The following FAM78A variants were observed in gnomAD, a reference collection of about 807,000 sequenced individuals.
FAM78A encodes family with sequence similarity 78 member A.
In FAM78A, 12 loss-of-function variants were observed where a neutral mutation model predicts 22.6. The observed-to-expected ratio is 0.53, with a 90% CI of 0.34 to 0.86. The LOEUF (loss-of-function observed/expected upper bound fraction) is 0.86, where lower values mean the gene tolerates loss of function less well. Among genes scored for constraint, FAM78A ranks in the 40% least tolerant of loss-of-function variants. FAM78A has a pLI of 0.02. For missense variants in FAM78A, 322 were observed against 396.1 expected (o/e 0.81, Z 1.59); for synonymous variants, 151 against 155.8 (o/e 0.97, Z 0.23).
chr9:131,260,256 G>C lies in FAM78A; in HGVS notation c.*566C>G, dbSNP rs11244346. On this transcript the variant is annotated 3_prime_UTR_variant, in exon 2 of 2. Transcript: ENST00000372271. The surrounding 1 kb of genome is among the most constrained non-coding windows in gnomAD (Gnocchi z 5.4). ...CTGGCAGAAGAGGAAAAGTCCGGTAGAAAAGAGATCCTGCTTTCTTTCTCC... is the reference window on the plus strand; with the variant it reads ...CTGGCAGAAGAGGAAAAGTCCGGTACAAAAGAGATCCTGCTTTCTTTCTCC... The C allele has an allele frequency of 6.5e-6, 1 of 152,738 alleles. No homozygotes were observed. The highest frequency in any genetic ancestry group is 1.5e-5 in the Non-Finnish European group (1 of 68,114). The allele number at this position is 152,738 out of a possible 1,614,324, so 9.5% of individuals were successfully genotyped here. A position where few individuals can be genotyped will look rare whatever the true frequency, so the allele number is the denominator to read the frequency against.
In FAM78A at chr9:131,272,644, G is replaced by C. The variant is rs1357241597; in HGVS notation, c.323+3213C>G. On this transcript the variant is annotated intron_variant, in intron 1 of 1. Transcript: ENST00000372271. The surrounding 1 kb of genome is among the most constrained non-coding windows in gnomAD (Gnocchi z 4.1). ...CTGGGGCAGGGGAGACAGGAAGGGG[G>C]TTTTAAATCCCACCCAAGGCTCACA... 6.6e-6 allele frequency among the ~76,000 whole-genome samples: 1 copy of C among 152,230 alleles called. No homozygotes were observed. Among genetic ancestry groups the C allele is most frequent in the East Asian group, 1.9e-4 (1 of 5,192 alleles).
At chr9:131,270,535 T>G (rs1835404756) in intron 1 of FAM78A, 1 of 715,036 alleles carries the variant, frequency 1.4e-6, no homozygotes, top group African/African-American at 1.7e-5. Flanking sequence ...GGGCTGGTCC[T>G]GGGGGAGCTC....
intron 1 of FAM78A, chr9:131,262,664 G>A (rs1193334237): frequency 1.3e-5 from 2 of 152,054 alleles, no homozygotes; most frequent in Non-Finnish European, 1.5e-5. Context: ...CAGATAAATG[G>A]ATAAACAAAA....
At chr9:131,271,095 CT>C (rs1044432873) in intron 1 of FAM78A, among the ~76,000 whole-genome samples, 1 of 150,814 alleles carries the variant, frequency 6.6e-6, no homozygotes, top group Non-Finnish European at 1.5e-5. Context: ...CAGCCTTGAC[CT>C]CCCCAGACTC....
intron 1 of FAM78A, among the ~76,000 whole-genome samples, chr9:131,269,316 G>A (rs1835387670): frequency 6.6e-6 from 1 of 152,130 alleles, no homozygotes; most frequent in African/African-American, 2.4e-5. Flanking sequence ...AAACAAAAAT[G>A]TAACAACAAT....
intron 1 of FAM78A, chr9:131,264,475 G>T: frequency 1.5e-6 from 1 of 664,704 alleles, no homozygotes. Context: ...CTCGCACTGT[G>T]GTCCAGTCAC....
At position 131,274,858 on chromosome 9, in the gene FAM78A, C is replaced by A. The variant is rs1245689587; in HGVS notation, c.323+999G>T. ...CAGTCACGGGGCCACAGGGTAGACA[C>A]TGAGAGAGGTTCTGGGAGTGTCAGC... On this transcript the variant is annotated intron_variant, in intron 1 of 1. Coordinates refer to ENST00000372271, the MANE Select transcript of FAM78A (RefSeq NM_033387.4). The surrounding 1 kb of genome is among the most constrained non-coding windows in gnomAD (Gnocchi z 4.2). Among the ~76,000 whole-genome samples the A allele has an allele frequency of 6.6e-6, 1 of 151,672 alleles. No individual in the cohort carries two copies. The highest frequency in any genetic ancestry group is 1.5e-5 in the Non-Finnish European group (1 of 67,696).
At chr9:131,280,492 G>A (rs1056667258), upstream of FAM78A, among the ~76,000 whole-genome samples, 2 of 152,160 alleles carry the variant, frequency 1.3e-5, no homozygotes. Context: ...ATTGCTCTCA[G>A]GACCCTTTCC....
Position 131,260,800 on chromosome 9 carries a change from AC to A in FAM78A, c.*21del, listed in dbSNP as rs1835252830. 3 of 1,512,594 alleles carry A rather than the reference AC, an allele frequency of 2.0e-6. No individual in the cohort carries two copies. Among genetic ancestry groups the A allele is most frequent in the Non-Finnish European group, 2.6e-6 (3 of 1,132,418 alleles). 93.7% of individuals were successfully genotyped at this position (1,512,594 alleles called of 1,614,324 possible). ...AGCGGTATTATTATTTGTGAGTCTA[AC>A]CTAGCGGGTGGTCCTGGCTGTCACC... On this transcript the variant is annotated 3_prime_UTR_variant, in exon 2 of 2. Transcript: ENST00000372271. This position sits in a 1 kb window ranked among gnomAD's most constrained non-coding sequence, Gnocchi z 5.4.
chr9:131,277,995 G>C (rs971741709), upstream of FAM78A, among the ~76,000 whole-genome samples: 22 of 145,840 alleles, frequency 1.5e-4, no homozygotes, highest in African/African-American at 5.4e-4. The surrounding 1 kb of genome is among the most constrained non-coding windows in gnomAD (Gnocchi z 8.4). Context: ...GCCGGCGCAC[G>C]CAGGGACCGC....
At chr9:131,278,835 C>T (rs1037670148), upstream of FAM78A, among the ~76,000 whole-genome samples, 8 of 152,272 alleles carry the variant, frequency 5.3e-5, no homozygotes, top group African/African-American at 9.6e-5. Context: ...ATCCCCATGA[C>T]TCTGACTTCC....
At chr9:131,278,525 C>A, upstream of FAM78A, among the ~76,000 whole-genome samples, 1 of 152,138 alleles carries the variant, frequency 6.6e-6, no homozygotes, top group Non-Finnish European at 1.5e-5. Context: ...GTGTGATGAG[C>A]GCTGTACAGA....
chr9:131,261,574 G>A lies in FAM78A; in HGVS notation c.324-224C>T, dbSNP rs934319989. Among the ~76,000 whole-genome samples, 5 of 152,062 alleles carry A rather than the reference G, an allele frequency of 3.3e-5. No individual in the cohort carries two copies. The highest frequency in any genetic ancestry group is 1.9e-4 in the East Asian group (1 of 5,180). On this transcript the variant is annotated intron_variant, in intron 1 of 1. Transcript: ENST00000372271. This position sits in a 1 kb window ranked among gnomAD's most constrained non-coding sequence, Gnocchi z 7.1. Reference sequence around the variant, plus strand: ...AACCCTCAGACAGAAGAAGGTGGCCGGCCTGGCCCAAGTTGCTCTAGGGAC... The same window carrying A: ...AACCCTCAGACAGAAGAAGGTGGCCAGCCTGGCCCAAGTTGCTCTAGGGAC...
chr9:131,260,815 C>T lies in FAM78A; in HGVS notation c.*7G>A, dbSNP rs1835253167. 2.0e-6 allele frequency: 3 copies of T among 1,516,176 alleles called. No individual in the cohort carries two copies. Among genetic ancestry groups the T allele is most frequent in the Non-Finnish European group, 2.6e-6 (3 of 1,133,468 alleles). 93.9% of individuals were successfully genotyped at this position (1,516,176 alleles called of 1,614,324 possible). ...TGTGAGTCTAACCTAGCGGGTGGTC[C>T]TGGCTGTCACCGGTGCTTGGGCGGG... On this transcript the variant is annotated 3_prime_UTR_variant, in exon 2 of 2. Coordinates refer to ENST00000372271, the MANE Select transcript of FAM78A (RefSeq NM_033387.4). This position sits in a 1 kb window ranked among gnomAD's most constrained non-coding sequence, Gnocchi z 5.4.
rs1212418683 is a variant in FAM78A at position 131,274,548 on chromosome 9, GC to G, written c.323+1308del. 1.3e-5 allele frequency among the ~76,000 whole-genome samples: 2 copies of G among 152,090 alleles called. No individual in the cohort carries two copies. Among genetic ancestry groups the G allele is most frequent in the Non-Finnish European group, 2.9e-5 (2 of 68,024 alleles). On this transcript the variant is annotated intron_variant, in intron 1 of 1. Transcript: ENST00000372271. This position sits in a 1 kb window ranked among gnomAD's most constrained non-coding sequence, Gnocchi z 4.2. ...AGGGCCGGTGAGAGCCTCTAGATGTGCCCCCCATGTACCTCTTTGGGACAGT... is the reference window on the plus strand; with the variant it reads ...AGGGCCGGTGAGAGCCTCTAGATGTGCCCCCATGTACCTCTTTGGGACAGT...
upstream of FAM78A, among the ~76,000 whole-genome samples, chr9:131,279,620 T>C (rs563440375): frequency 6.6e-6 from 1 of 152,294 alleles, no homozygotes; most frequent in Non-Finnish European, 1.5e-5. Context: ...CTGAACCGCC[T>C]TGTGAGCAGT....
intron 1 of FAM78A, among the ~76,000 whole-genome samples, chr9:131,269,810 G>A (rs1480741038): frequency 2.6e-5 from 4 of 151,978 alleles, no homozygotes; most frequent in East Asian, 1.9e-4. Flanking sequence ...TCTCCCCTTC[G>A]CGTGATCATT....
Position 131,275,725 on chromosome 9 carries a change from C to G in FAM78A, c.323+132G>C. ...GCCAATGAGGCCACCTGCATACCTG[C>G]CTAAAGCTTCCCTCTGGCCTCCGTC... On this transcript the variant is annotated intron_variant, in intron 1 of 1. Coordinates refer to ENST00000372271, the MANE Select transcript of FAM78A (RefSeq NM_033387.4). The surrounding 1 kb of genome is among the most constrained non-coding windows in gnomAD (Gnocchi z 4.6). 2.0e-6 allele frequency: 2 copies of G among 1,002,946 alleles called. No individual in the cohort carries two copies. Among genetic ancestry groups the G allele is most frequent in the Admixed American group, 2.9e-5 (1 of 34,264 alleles). 62.1% of individuals were successfully genotyped at this position (1,002,946 alleles called of 1,614,324 possible).
chr9:131,270,488 T>C (rs769418165), intron 1 of FAM78A: 89 of 716,386 alleles, frequency 1.2e-4, no homozygotes, highest in Admixed American at 2.8e-4. Flanking sequence ...TTCCAGTGCT[T>C]GGAAGGTGGA....
Sources: allele counts gnomAD v4.1 joint callset (sites outside exome capture counted in the v4.1 genomes callset), GRCh38; gene constraint gnomAD v4.1.1; non-coding constraint Gnocchi (gnomAD v3.1); transcripts MANE v1.5; gene names NCBI Gene and HGNC (gene_info 2026-07-23, HGNC 2026-07-21).